The following BRD10 variants were observed in gnomAD, a reference collection of about 807,000 sequenced individuals.
The protein encoded by BRD10 is uncharacterized bromodomain-containing protein 10.
chr9:5,901,385 C>T, the BRD10 span, among the ~76,000 whole-genome samples: 3 of 152,086 alleles, frequency 2.0e-5, no homozygotes, highest in African/African-American at 7.2e-5. Context: ...AGTAAGTTTC[C>T]CTTTATCCCT....
the BRD10 span, among the ~76,000 whole-genome samples, chr9:5,883,046 T>C: frequency 2.0e-5 from 3 of 152,056 alleles, no homozygotes; most frequent in Non-Finnish European, 2.9e-5. Flanking sequence ...CATTAGGAGA[T>C]ATACCTAATG....
the BRD10 span, among the ~76,000 whole-genome samples, chr9:5,987,750 T>C: frequency 6.6e-6 from 1 of 152,200 alleles, no homozygotes; most frequent in Non-Finnish European, 1.5e-5. Context: ...AAATAACTAG[T>C]CTTTTTGTTT....
chr9:5,949,371 AAACAACAACAAC>A, the BRD10 span, among the ~76,000 whole-genome samples: 35 of 151,860 alleles, frequency 2.3e-4, no homozygotes, highest in African/African-American at 8.0e-4. Flanking sequence ...ACAAACAAAC[AAACAACAACAAC>A]AACAACAACA....
chr9:5,888,058 G>A, the BRD10 span, among the ~76,000 whole-genome samples: 1 of 152,202 alleles, frequency 6.6e-6, no homozygotes, highest in African/African-American at 2.4e-5. Flanking sequence ...AAAATCACAG[G>A]ATCTGAAAGG....
the BRD10 span, chr9:5,924,716 A>C: frequency 6.2e-7 from 1 of 1,600,560 alleles, no homozygotes. Flanking sequence ...CTATAGACTT[A>C]CTGATTTCTC....
chr9:5,946,530 C>G, the BRD10 span, among the ~76,000 whole-genome samples: 3 of 151,992 alleles, frequency 2.0e-5, no homozygotes, highest in Admixed American at 6.6e-5. Context: ...ACAATGTTGT[C>G]CCTACCGTGG....
the BRD10 span, among the ~76,000 whole-genome samples, chr9:5,911,217 G>C: frequency 6.6e-6 from 1 of 152,016 alleles, no homozygotes. Context: ...CTTGATTTTT[G>C]TATATGGCAA....
At chr9:5,957,250 A>G in the BRD10 span, among the ~76,000 whole-genome samples, 29 of 152,266 alleles carry the variant, frequency 1.9e-4, no homozygotes, top group Non-Finnish European at 3.2e-4. Context: ...CTGAAGATCA[A>G]AAAGATTAAT....
At chr9:5,892,636 C>T in the BRD10 span, 30 of 1,050,238 alleles carry the variant, frequency 2.9e-5, no homozygotes, top group Non-Finnish European at 3.8e-5. Flanking sequence ...CATGCCTGCT[C>T]GTAAATCTCC....
the BRD10 span, among the ~76,000 whole-genome samples, chr9:5,980,239 G>A: frequency 0.58 from 87,852 of 151,830 alleles, 27,032 homozygotes; most frequent in Non-Finnish European, 0.71. Context: ...TTAGAGGGCT[G>A]CTGTCTCCTA....
the BRD10 span, among the ~76,000 whole-genome samples, chr9:5,963,591 T>C: frequency 4.6e-5 from 7 of 151,966 alleles, no homozygotes; most frequent in African/African-American, 1.7e-4. Flanking sequence ...AGAGCCTGCA[T>C]CACCAAGTCA....
the BRD10 span, among the ~76,000 whole-genome samples, chr9:5,960,060 T>C: frequency 6.6e-6 from 1 of 152,344 alleles, no homozygotes; most frequent in South Asian, 2.1e-4. Context: ...CTTCATCCCT[T>C]GTAAAACCTT....
chr9:5,975,164 G>C, the BRD10 span, among the ~76,000 whole-genome samples: 2 of 152,218 alleles, frequency 1.3e-5, no homozygotes, highest in East Asian at 3.9e-4. Context: ...GGCTGGGCGT[G>C]GTGGCTCGTG....
the BRD10 span, chr9:5,920,351 G>C: frequency 2.5e-6 from 4 of 1,613,620 alleles, no homozygotes; most frequent in Non-Finnish European, 3.4e-6. Flanking sequence ...TGCCAAAGGT[G>C]TACTGGTATT....
chr9:5,958,558 G>A, the BRD10 span, among the ~76,000 whole-genome samples: 1 of 152,180 alleles, frequency 6.6e-6, no homozygotes, highest in Non-Finnish European at 1.5e-5. Context: ...AGGCGGAGGT[G>A]AGAGGATGGC....
the BRD10 span, among the ~76,000 whole-genome samples, chr9:5,991,086 C>T: frequency 6.6e-6 from 1 of 152,076 alleles, no homozygotes; most frequent in African/African-American, 2.4e-5. Flanking sequence ...GTCCATATTA[C>T]ACTGCTAAAT....
chr9:5,996,744 T>C, the BRD10 span, among the ~76,000 whole-genome samples: 1 of 152,210 alleles, frequency 6.6e-6, no homozygotes, highest in Non-Finnish European at 1.5e-5. Flanking sequence ...ACAAACAGTA[T>C]TTGAAAAGTG....
At chr9:5,892,346 A>T in the BRD10 span, 1 of 667,612 alleles carries the variant, frequency 1.5e-6, no homozygotes, top group Non-Finnish European at 2.4e-6. Context: ...GGTCCTGGCT[A>T]TGGATATTGG....
At chr9:5,891,378 A>C in the BRD10 span, 1 of 152,206 alleles carries the variant, frequency 6.6e-6, no homozygotes, top group African/African-American at 2.4e-5. Flanking sequence ...GTTCAGTCCT[A>C]TATTATTCAC....
Sources: allele counts gnomAD v4.1 joint callset (sites outside exome capture counted in the v4.1 genomes callset), GRCh38; gene constraint gnomAD v4.1.1; transcripts MANE v1.5; gene names NCBI Gene and HGNC (gene_info 2026-07-23, HGNC 2026-07-21).